STRN: variants seen among roughly 807,000 people sequenced by gnomAD.
The protein encoded by STRN is striatin, also known as protein phosphatase 2 regulatory subunit B'''alpha.
Under a neutral mutation model 96.3 loss-of-function variants are expected in STRN, and 53 were observed. The observed-to-expected ratio is 0.55, with a 90% CI of 0.44 to 0.69. The LOEUF (loss-of-function observed/expected upper bound fraction) is 0.69, where lower values mean the gene tolerates loss of function less well. STRN is among the 30% of genes least tolerant of loss of function. The probability of loss-of-function intolerance (pLI) is 0.00; values close to 1 mark genes in which losing one functional copy is unlikely to be tolerated. For synonymous variants in STRN, 428 were observed against 355.9 expected (o/e 1.20, Z -2.28); for missense variants, 987 against 963.9 (o/e 1.02, Z -0.32).
intron 1 of STRN, among the ~76,000 whole-genome samples, chr2:36,962,937 TACAG>T (rs779789083): frequency 3.9e-5 from 6 of 152,234 alleles, no homozygotes; most frequent in Non-Finnish European, 7.3e-5. Flanking sequence ...ATGCCTCACA[TACAG>T]AAATTTTTCT....
At chr2:36,933,069 C>CAG (rs1666950533) in intron 1 of STRN, among the ~76,000 whole-genome samples, 1 of 151,236 alleles carries the variant, frequency 6.6e-6, no homozygotes, top group African/African-American at 2.4e-5. Flanking sequence ...TACACACACA[C>CAG]ACACACACAC....
At chr2:36,883,083 C>T (rs1008071120) in intron 9 of STRN, among the ~76,000 whole-genome samples, 11 of 152,128 alleles carry the variant, frequency 7.2e-5, no homozygotes, top group Middle Eastern at 3.4e-3. Flanking sequence ...ATTTTAAGAA[C>T]ACAAAATAGA....
In STRN at chr2:36,840,652, C is replaced by A. The variant is rs1262095529; in HGVS notation, c.*8804G>T. 6.6e-6 allele frequency: 1 copy of A among 151,702 alleles called. No homozygotes were observed. Among genetic ancestry groups the A allele is most frequent in the African/African-American group, 2.4e-5 (1 of 41,236 alleles). The allele number at this position is 151,702 out of a possible 1,614,324, so 9.4% of individuals were successfully genotyped here. On this transcript the variant is annotated 3_prime_UTR_variant, in exon 18 of 18. Transcript: ENST00000263918. The stretch of plus-strand genomic sequence containing the variant: ...AGGGTACCTTTTATATGGCAAGGCA[C>A]CAGGCACAGTGCTAAGAGGAACATA...
At position 36,914,300 on chromosome 2, in the gene STRN, A is replaced by T. The variant is rs1189661306; in HGVS notation, c.412+1778T>A. 3.7e-4 allele frequency among the ~76,000 whole-genome samples: 56 copies of T among 152,226 alleles called. 2 individuals are homozygous for T. Among genetic ancestry groups the T allele is most frequent in the Admixed American group, 3.7e-3 (56 of 15,284 alleles). On this transcript the variant is annotated intron_variant, in intron 3 of 17. Transcript: ENST00000263918. The stretch of plus-strand genomic sequence containing the variant: ...ACTGCAGCCAGCCATGTTTACTTAC[A>T]AACATTTAAAAAATATATTGCATCT...
Position 36,884,043 on chromosome 2 carries a change from C to T in STRN, c.1075G>A (p.Ala359Thr), listed in dbSNP as rs756037358. The change falls in exon 9 of 18, where the codon GCT becomes ACT. Residue 359 changes from alanine (A) to threonine (T), a missense_variant. Coordinates refer to ENST00000263918, the MANE Select transcript of STRN (RefSeq NM_003162.4). ...AGTTCATCAACATCTCTCAAATTAG[C>T]AAGCATATCTTGTAGTTTTGACCTA... ...PNRSKLQDML[A>T]NLRDVDELPS... The T allele has an allele frequency of 2.1e-6, 3 of 1,405,150 alleles. No homozygotes were observed. Among genetic ancestry groups the T allele is most frequent in the South Asian group, 2.0e-5 (1 of 50,604 alleles). The allele number at this position is 1,405,150 out of a possible 1,614,324, so 87.0% of individuals were successfully genotyped here. A position where few individuals can be genotyped will look rare whatever the true frequency, so the allele number is the denominator to read the frequency against.
Position 36,840,285 on chromosome 2 carries a change from G to C in STRN, c.*9171C>G, listed in dbSNP as rs1477942799. On this transcript the variant is annotated 3_prime_UTR_variant, in exon 18 of 18. Coordinates refer to ENST00000263918, the MANE Select transcript of STRN (RefSeq NM_003162.4). ...GCCAGTGGGGAACAGGGGATGAGCA[G>C]AGGAGATATGGGGGTCCGGGGATAG... is the stretch of plus-strand genomic sequence containing the variant. 1.3e-5 allele frequency: 2 copies of C among 152,318 alleles called. No homozygotes were observed. The highest frequency in any genetic ancestry group is 2.9e-5 in the Non-Finnish European group (2 of 68,164). 9.4% of individuals were successfully genotyped at this position (152,318 alleles called of 1,614,324 possible). A position where few individuals can be genotyped will look rare whatever the true frequency, so the allele number is the denominator to read the frequency against.
At chr2:36,889,178 T>C (rs1179738080) in intron 7 of STRN, among the ~76,000 whole-genome samples, 2 of 152,202 alleles carry the variant, frequency 1.3e-5, no homozygotes, top group Non-Finnish European at 2.9e-5. Context: ...TAGAAAGCAC[T>C]TGATCAATAT....
rs1454233859 is a variant in STRN, at chr2:36,902,642, T to A, written c.601A>T (p.Asn201Tyr). ...GTGCCATTTACAACTGAGTCCTGAT[T>A]TTTGTCATCTTCCCTGTCCGTGACA... ...SDVTDREDDK[N>Y]QDSVVNGTEA... The change falls in exon 5 of 18, where the codon AAT (asparagine) becomes TAT (tyrosine). Residue 201 changes from asparagine to tyrosine, a missense_variant. Transcript: ENST00000263918. 1.2e-6 allele frequency: 2 copies of A among 1,612,228 alleles called. No homozygotes were observed.
chr2:36,916,322 G>A (rs530111071), intron 2 of STRN, among the ~76,000 whole-genome samples, 171 bp from the exon 3 acceptor site: 6 of 152,166 alleles, frequency 3.9e-5, no homozygotes, highest in South Asian at 2.1e-4. Context: ...TTGCCTTTTC[G>A]TTGTTGCTGT....
chr2:36,950,413 A>G (rs1011616739), intron 1 of STRN, among the ~76,000 whole-genome samples: 35 of 152,084 alleles, frequency 2.3e-4, no homozygotes, highest in African/African-American at 8.4e-4. Context: ...ATGAGGTTTC[A>G]CCATGTTGGC....
chr2:36,960,118 T>G (rs1013379072), intron 1 of STRN, among the ~76,000 whole-genome samples: 2 of 152,182 alleles, frequency 1.3e-5, no homozygotes, highest in Admixed American at 1.3e-4. Flanking sequence ...CTGCTCCACA[T>G]GTAAAGGAAG....
At chr2:36,932,622 G>A (rs1217447019) in intron 1 of STRN, among the ~76,000 whole-genome samples, 1 of 152,016 alleles carries the variant, frequency 6.6e-6, no homozygotes, top group Non-Finnish European at 1.5e-5. Flanking sequence ...GTTTTTTAGA[G>A]ATGAGGGTCT....
At chr2:36,911,880 C>A (rs965208501) in intron 3 of STRN, among the ~76,000 whole-genome samples, 1 of 152,194 alleles carries the variant, frequency 6.6e-6, no homozygotes, top group African/African-American at 2.4e-5. Context: ...TAGCTTTTCT[C>A]GATCCTACTA....
intron 15 of STRN, 97 bp downstream of exon 15, chr2:36,855,115 T>C: frequency 7.7e-7 from 1 of 1,296,508 alleles, no homozygotes; most frequent in Admixed American, 2.2e-5. Context: ...ACAGAAAGCT[T>C]TATAATGACA....
chr2:36,851,966 G>T (rs1309407645), intron 15 of STRN, among the ~76,000 whole-genome samples: 1 of 152,150 alleles, frequency 6.6e-6, no homozygotes, highest in African/African-American at 2.4e-5. Context: ...AAGTTCCAAA[G>T]AAACTTCAAT....
chr2:36,858,710 T>A (rs2148134253), intron 13 of STRN, among the ~76,000 whole-genome samples: 1 of 152,318 alleles, frequency 6.6e-6, no homozygotes, highest in South Asian at 2.1e-4. Context: ...AAATGTTAAG[T>A]CTGGAAATGT....
chr2:36,871,042 G>T (rs918390860), intron 10 of STRN, among the ~76,000 whole-genome samples: 1 of 152,190 alleles, frequency 6.6e-6, no homozygotes, highest in African/African-American at 2.4e-5. Flanking sequence ...TAAAGGAAGA[G>T]AATATTTTTC....
chr2:36,899,300 G>A (rs996557337), intron 6 of STRN, among the ~76,000 whole-genome samples: 2 of 152,096 alleles, frequency 1.3e-5, no homozygotes, highest in Non-Finnish European at 2.9e-5. Flanking sequence ...CCTGTTCAAT[G>A]AATGAACAAA....
intron 1 of STRN, among the ~76,000 whole-genome samples, chr2:36,965,902 G>A (rs1463846663): frequency 6.6e-6 from 1 of 152,172 alleles, no homozygotes; most frequent in African/African-American, 2.4e-5. Context: ...ACTACTGCCA[G>A]CCCAATTAGT....
Sources: allele counts gnomAD v4.1 joint callset (sites outside exome capture counted in the v4.1 genomes callset), GRCh38; gene constraint gnomAD v4.1.1; transcripts MANE v1.5; gene names NCBI Gene and HGNC (gene_info 2026-07-23, HGNC 2026-07-21).